The following TMPRSS4 variants were observed in gnomAD, a reference collection of about 807,000 sequenced individuals.
The protein encoded by TMPRSS4 is transmembrane serine protease 4, also known as transmembrane protease serine 4.
Under a neutral mutation model 56.4 loss-of-function variants are expected in TMPRSS4, and 45 were observed. That is an observed-to-expected ratio of 0.80 (90% CI 0.63 to 1.02). TMPRSS4 has a LOEUF of 1.02. Ranked by LOEUF, TMPRSS4 falls within the 50% of genes least tolerant of loss-of-function variation. The pLI is 0.00. For synonymous variants in TMPRSS4, 205 were observed against 211.0 expected, an observed-to-expected ratio of 0.97 and a Z score of 0.25; for missense variants, 546 against 556.7, an observed-to-expected ratio of 0.98 and a Z score of 0.19.
chr11:118,110,866 G>C (rs1326809572), intron 7 of TMPRSS4, among the ~76,000 whole-genome samples: 1 of 152,246 alleles, frequency 6.6e-6, no homozygotes, highest in East Asian at 1.9e-4. Flanking sequence ...CAGTGGGAAG[G>C]GCATCTTTTT....
rs1393213585 is a variant in TMPRSS4, at chr11:118,079,714, CAG to C, written c.3+2412_3+2413del. ...TCCTGTTTTCCGTGCCAGCCTGGTA[CAG>C]AGTCAAGGGGCTTGGCTGGGCTTGG... On this transcript the variant is annotated intron_variant, in intron 1 of 12. Transcript: ENST00000437212. Among the ~76,000 whole-genome samples the C allele has an allele frequency of 2.1e-5, 3 of 140,462 alleles. No homozygotes were observed. The East Asian group carries it at 5.9e-4, about 28-fold the overall frequency. 92.1% of individuals were successfully genotyped at this position (140,462 alleles called of 152,430 possible).
In TMPRSS4 at chr11:118,091,981, TTAAG is replaced by T. The variant is rs372625644; in HGVS notation, c.4-2833_4-2830del. On this transcript the variant is annotated intron_variant, in intron 1 of 12. Transcript: ENST00000437212. Reference sequence around the variant, plus strand: ...GTTCAGTCCAGTTCACAGTCATTTATTAAGTTTTTACTAGGTACTAGCCTGGTGC... The same window carrying T: ...GTTCAGTCCAGTTCACAGTCATTTATTTTTTACTAGGTACTAGCCTGGTGC... Among the ~76,000 whole-genome samples, 325 of 152,302 alleles carry T rather than the reference TTAAG, an allele frequency of 2.1e-3. 1 individual carries two copies. The highest frequency in any genetic ancestry group is 7.3e-3 in the African/African-American group (303 of 41,562).
At position 118,118,183 on chromosome 11, in the gene TMPRSS4, G is replaced by T; in HGVS notation, c.*270G>T. 2 of 1,380,926 alleles carry T rather than the reference G, an allele frequency of 1.4e-6. No homozygotes were observed. The highest frequency in any genetic ancestry group is 2.7e-4 in the Middle Eastern group (1 of 3,720). 85.5% of individuals were successfully genotyped at this position (1,380,926 alleles called of 1,614,324 possible). A position where few individuals can be genotyped will look rare whatever the true frequency, so the allele number is the denominator to read the frequency against. On this transcript the variant is annotated 3_prime_UTR_variant, in exon 13 of 13. Transcript: ENST00000437212. ...ACACAGCCCACTGAACAAGGTCTCA[G>T]GGGTATTGCTAAGCCAAGAAGGAAC...
In TMPRSS4 at chr11:118,118,659, C is replaced by T. The variant is rs1295114854; in HGVS notation, c.*746C>T. 6.1e-6 allele frequency: 6 copies of T among 985,628 alleles called. No individual in the cohort carries two copies. Among genetic ancestry groups the T allele is most frequent in the Non-Finnish European group, 6.0e-6 (5 of 830,266 alleles). The allele number at this position is 985,628 out of a possible 1,614,324, so 61.1% of individuals were successfully genotyped here. ...GAAACCAGGGTGAGCAAGTTTGAGTCCCACACAGGGCCTTCTCCCTTTGCC... is the reference window on the plus strand; with the variant it reads ...GAAACCAGGGTGAGCAAGTTTGAGTTCCACACAGGGCCTTCTCCCTTTGCC... On this transcript the variant is annotated 3_prime_UTR_variant, in exon 13 of 13. Transcript: ENST00000437212.
chr11:118,107,577 G>A (rs1947057155), intron 5 of TMPRSS4, 197 bp from the exon 6 acceptor site: 1 of 490,334 alleles, frequency 2.0e-6, no homozygotes, highest in Non-Finnish European at 3.7e-6. Context: ...GTTGAGTCCT[G>A]GGATGCCAAG....
chr11:118,114,972 T>C, intron 10 of TMPRSS4, 45 bp downstream of exon 10: 1 of 1,564,130 alleles, frequency 6.4e-7, no homozygotes, highest in Non-Finnish European at 8.7e-7. Context: ...TGCCCTTGTA[T>C]GAGGGAGCAG....
chr11:118,094,973 G>A (rs753768994), intron 2 of TMPRSS4, 118 bp downstream of exon 2: 10 of 1,051,234 alleles, frequency 9.5e-6, no homozygotes. Flanking sequence ...TAAGTGCCAT[G>A]AGTGACATCC....
At position 118,118,081 on chromosome 11, in the gene TMPRSS4, C is replaced by T. The variant is rs1053560857; in HGVS notation, c.*168C>T. The T allele has an allele frequency of 1.2e-5, 17 of 1,465,978 alleles. No homozygotes were observed. The highest frequency in any genetic ancestry group is 9.7e-5 in the South Asian group (7 of 71,934). The allele number at this position is 1,465,978 out of a possible 1,614,324, so 90.8% of individuals were successfully genotyped here. ...GGCCTCAATTCCTATAAGAGACCCT[C>T]GCAGCCCAGAGGCGCCCAGAGGAAG... On this transcript the variant is annotated 3_prime_UTR_variant, in exon 13 of 13. Coordinates refer to ENST00000437212, the MANE Select transcript of TMPRSS4 (RefSeq NM_019894.4).
chr11:118,113,741 T>G (rs1290465481), intron 9 of TMPRSS4, among the ~76,000 whole-genome samples: 1 of 152,138 alleles, frequency 6.6e-6, no homozygotes, highest in Admixed American at 6.5e-5. Context: ...TTAAAAAGAT[T>G]ATCGAGCTAA....
rs1013559855 is a variant in TMPRSS4, at chr11:118,121,008, C to T, written c.*3095C>T. The stretch of plus-strand genomic sequence containing the variant: ...AGCAGCAGAGAGAAAACCCAGACCA[C>T]CCACAGTACCACAAATCTACCACAA... On this transcript the variant is annotated 3_prime_UTR_variant, in exon 13 of 13. Coordinates refer to ENST00000437212, the MANE Select transcript of TMPRSS4 (RefSeq NM_019894.4). 1 of 152,214 alleles carries T rather than the reference C, an allele frequency of 6.6e-6. No individual in the cohort carries two copies. The highest frequency in any genetic ancestry group is 1.5e-5 in the Non-Finnish European group (1 of 68,062). The allele number at this position is 152,214 out of a possible 1,614,324, so 9.4% of individuals were successfully genotyped here.
intron 7 of TMPRSS4, among the ~76,000 whole-genome samples, chr11:118,111,493 AAC>A (rs1947274786): frequency 6.6e-6 from 1 of 151,758 alleles, no homozygotes; most frequent in Non-Finnish European, 1.5e-5. Context: ...TGAACTCCTA[AAC>A]ACATCTTAAA....
intron 2 of TMPRSS4, 59 bp downstream of exon 2, chr11:118,094,914 T>C: frequency 6.3e-7 from 1 of 1,587,702 alleles, no homozygotes; most frequent in Middle Eastern, 1.7e-4. Flanking sequence ...AGCTACCAAG[T>C]AGATCCTAAG....
rs1252585078 is a variant in TMPRSS4 at position 118,119,432 on chromosome 11, A to C, written c.*1519A>C. 2.2e-6 allele frequency: 2 copies of C among 901,338 alleles called. No individual in the cohort carries two copies. The highest frequency in any genetic ancestry group is 3.6e-5 in the African/African-American group (2 of 55,712). The allele number at this position is 901,338 out of a possible 1,614,324, so 55.8% of individuals were successfully genotyped here. ...CCTCCAAATATGAGCTCACAATCAA[A>C]GATCAGAGACGTTGAAAAATAAAAA... is the stretch of plus-strand genomic sequence containing the variant. On this transcript the variant is annotated 3_prime_UTR_variant, in exon 13 of 13. Coordinates refer to ENST00000437212, the MANE Select transcript of TMPRSS4 (RefSeq NM_019894.4).
downstream of TMPRSS4, among the ~76,000 whole-genome samples, chr11:118,124,111 G>C (rs1372380135): frequency 6.6e-6 from 1 of 152,098 alleles, no homozygotes; most frequent in Admixed American, 6.5e-5. Flanking sequence ...GAGGGGCCAG[G>C]CATGGTGGCT....
chr11:118,117,551 A>C (rs781039115), intron 12 of TMPRSS4, 97 bp downstream of exon 12: 13 of 1,513,780 alleles, frequency 8.6e-6, no homozygotes, highest in Non-Finnish European at 1.1e-5. Flanking sequence ...GGTTCTGACA[A>C]CTCTTTACAT....
At chr11:118,078,251 C>G (rs1944849559) in intron 1 of TMPRSS4, among the ~76,000 whole-genome samples, 1 of 152,064 alleles carries the variant, frequency 6.6e-6, no homozygotes, top group African/African-American at 2.4e-5. Flanking sequence ...GAGATAATAA[C>G]TGGGTCTGAG....
At chr11:118,081,457 G>C (rs979414364) in intron 1 of TMPRSS4, among the ~76,000 whole-genome samples, 2 of 152,206 alleles carry the variant, frequency 1.3e-5, no homozygotes, top group Non-Finnish European at 2.9e-5. Context: ...ATGGAAAACC[G>C]CAACAGTCCT....
At chr11:118,116,191 G>T (rs1565442249) in intron 11 of TMPRSS4, among the ~76,000 whole-genome samples, 1 of 152,054 alleles carries the variant, frequency 6.6e-6, no homozygotes, top group African/African-American at 2.4e-5. Flanking sequence ...TGGGTTCAAG[G>T]GATTCTCCCA....
At chr11:118,091,978 T>C (rs1488510241) in intron 1 of TMPRSS4, among the ~76,000 whole-genome samples, 1 of 152,120 alleles carries the variant, frequency 6.6e-6, no homozygotes, top group Non-Finnish European at 1.5e-5. Flanking sequence ...TCACAGTCAT[T>C]TATTAAGTTT....
Sources: gnomAD v4.1 joint callset for allele counts (sites outside exome capture counted in the v4.1 genomes callset) on GRCh38, gnomAD v4.1.1 for gene constraint, MANE v1.5 for transcripts, NCBI Gene and HGNC (gene_info 2026-07-23, HGNC 2026-07-21) for gene names.